The following STK39 variants were observed in gnomAD, a reference collection of about 807,000 sequenced individuals.
STK39 encodes the protein STE20/SPS1-related proline-alanine-rich protein kinase.
STK39 carries 20 observed loss-of-function variants against 77.8 expected under a neutral mutation model. The ratio of observed to expected loss-of-function variants is 0.26; its 90% CI spans 0.18 to 0.37. The LOEUF (loss-of-function observed/expected upper bound fraction) is 0.37. Among genes scored for constraint, STK39 ranks in the 10% least tolerant of loss-of-function variants. The pLI is 1.00. For missense variants in STK39, 479 were observed against 656.5 expected (o/e 0.73, Z 2.95); for synonymous variants, 246 against 234.1 (o/e 1.05, Z -0.47).
At chr2:168,048,569 A>G (rs556331096) in intron 14 of STK39, among the ~76,000 whole-genome samples, 1 of 152,094 alleles carries the variant, frequency 6.6e-6, no homozygotes, top group African/African-American at 2.4e-5. Flanking sequence ...TCTCATGAAT[A>G]TTGGACCAAA....
intron 17 of STK39, among the ~76,000 whole-genome samples, chr2:167,956,564 GAA>G (rs60443441): frequency 2.4e-5 from 3 of 126,530 alleles, no homozygotes; most frequent in Non-Finnish European, 1.7e-5. Context: ...CTCCACCTCA[GAA>G]AAAAAAAAAA....
intron 1 of STK39, among the ~76,000 whole-genome samples, chr2:168,221,987 TGGAA>T (rs1479300671): frequency 1.3e-5 from 2 of 152,164 alleles, no homozygotes; most frequent in Admixed American, 1.3e-4. Flanking sequence ...TTCTCTAACA[TGGAA>T]GGAAGAACTT....
chr2:168,242,453 G>A (rs1348443189), intron 1 of STK39, among the ~76,000 whole-genome samples: 1 of 149,804 alleles, frequency 6.7e-6, no homozygotes, highest in East Asian at 2.0e-4. Flanking sequence ...GGAGGCTGAG[G>A]CAGGAGAACT....
intron 16 of STK39, among the ~76,000 whole-genome samples, chr2:167,982,992 C>T (rs1351255319): frequency 1.3e-5 from 2 of 152,178 alleles, no homozygotes; most frequent in Admixed American, 6.5e-5. Flanking sequence ...TGGCTCACTG[C>T]TGTACACCCA....
intron 17 of STK39, among the ~76,000 whole-genome samples, chr2:167,957,347 C>T (rs1691814636): frequency 6.6e-6 from 1 of 152,178 alleles, no homozygotes; most frequent in South Asian, 2.1e-4. Flanking sequence ...TTGACAGGGG[C>T]GATGAGGTCT....
At chr2:168,010,015 G>A (rs192344233) in intron 16 of STK39, among the ~76,000 whole-genome samples, 18 of 152,276 alleles carry the variant, frequency 1.2e-4, no homozygotes, top group South Asian at 8.3e-4. Flanking sequence ...CTGTAGGTCT[G>A]AAGCAAGGAC....
At chr2:168,186,752 T>A (rs1394833812) in intron 1 of STK39, among the ~76,000 whole-genome samples, 1 of 152,218 alleles carries the variant, frequency 6.6e-6, no homozygotes, top group Non-Finnish European at 1.5e-5. Context: ...TTTCTCCATC[T>A]GTGACATAAA....
At chr2:167,966,610 T>C (rs1692166312) in intron 16 of STK39, among the ~76,000 whole-genome samples, 1 of 152,118 alleles carries the variant, frequency 6.6e-6, no homozygotes, top group Non-Finnish European at 1.5e-5. Flanking sequence ...CTCTCTCCGG[T>C]GTACACGTAT....
intron 5 of STK39, among the ~76,000 whole-genome samples, chr2:168,155,432 T>A (rs1302781788): frequency 6.6e-6 from 1 of 152,170 alleles, no homozygotes; most frequent in Non-Finnish European, 1.5e-5. Context: ...TTACTGTCCT[T>A]ATTCACTTAT....
At chr2:168,123,044 T>C (rs1687448990) in intron 10 of STK39, among the ~76,000 whole-genome samples, 1 of 152,226 alleles carries the variant, frequency 6.6e-6, no homozygotes, top group Admixed American at 6.5e-5. Context: ...CATGTGCCTC[T>C]TAATATGATA....
chr2:168,196,892 G>C (rs1055118833), intron 1 of STK39, among the ~76,000 whole-genome samples: 1 of 152,162 alleles, frequency 6.6e-6, no homozygotes, highest in Non-Finnish European at 1.5e-5. Context: ...AGGCGGTGTG[G>C]CTGGTGCTTG....
At chr2:168,220,736 T>C (rs931194669) in intron 1 of STK39, among the ~76,000 whole-genome samples, 8 of 152,194 alleles carry the variant, frequency 5.3e-5, no homozygotes, top group African/African-American at 1.9e-4. Flanking sequence ...GCTTGCTTAG[T>C]TTCTTCTGGA....
At chr2:168,106,432 C>A (rs1292755269) in intron 10 of STK39, among the ~76,000 whole-genome samples, 1 of 152,016 alleles carries the variant, frequency 6.6e-6, no homozygotes, top group African/African-American at 2.4e-5. Flanking sequence ...TTATTCATAC[C>A]TCTTCTCCTA....
chr2:167,967,840 CT>C (rs139173853), intron 16 of STK39, among the ~76,000 whole-genome samples: 13,324 of 151,968 alleles, frequency 0.088, 1,037 homozygotes, highest in East Asian at 0.21. Flanking sequence ...CATATGCGGG[CT>C]TTTTACCTAG....
intron 16 of STK39, among the ~76,000 whole-genome samples, chr2:167,992,980 T>G (rs1574374046): frequency 6.6e-6 from 1 of 152,346 alleles, no homozygotes; most frequent in Admixed American, 6.5e-5. Flanking sequence ...GAAAGCAAAC[T>G]TTGGTTTCTT....
chr2:168,196,898 G>A (rs894417135), intron 1 of STK39, among the ~76,000 whole-genome samples: 13 of 152,148 alleles, frequency 8.5e-5, no homozygotes, highest in African/African-American at 2.9e-4. Flanking sequence ...TGTGGCTGGT[G>A]CTTGTCAGCT....
chr2:167,958,443 C>A (rs1165973191), intron 17 of STK39, among the ~76,000 whole-genome samples: 1 of 152,042 alleles, frequency 6.6e-6, no homozygotes, highest in Non-Finnish European at 1.5e-5. Flanking sequence ...TCATTACATA[C>A]AAACATAAAT....
intron 8 of STK39, among the ~76,000 whole-genome samples, chr2:168,137,523 T>C (rs1226981355): frequency 6.6e-6 from 1 of 152,138 alleles, no homozygotes; most frequent in Non-Finnish European, 1.5e-5. Context: ...CAAGAATAAA[T>C]AGGAAACACT....
intron 14 of STK39, among the ~76,000 whole-genome samples, chr2:168,058,992 C>T (rs914033568): frequency 2.0e-5 from 3 of 152,210 alleles, no homozygotes; most frequent in Admixed American, 6.5e-5. Context: ...GTGATTTGGC[C>T]CCTGCTAACT....
Sources: gnomAD v4.1 joint callset for allele counts (sites outside exome capture counted in the v4.1 genomes callset) on GRCh38, gnomAD v4.1.1 for gene constraint, MANE v1.5 for transcripts, NCBI Gene and HGNC (gene_info 2026-07-23, HGNC 2026-07-21) for gene names.